ESRRB: variants seen among roughly 807,000 people sequenced by gnomAD.
ESRRB encodes the protein steroid hormone receptor ERR2.
Under a neutral mutation model 46.0 loss-of-function variants are expected in ESRRB, and 16 were observed. That is an observed-to-expected ratio of 0.35 (90% CI 0.24 to 0.53). ESRRB has a LOEUF of 0.53. Ranked by LOEUF, ESRRB falls within the 20% of genes least tolerant of loss-of-function variation. The pLI is 0.93. For missense variants in ESRRB, 488 were observed against 607.4 expected (o/e 0.80, Z 2.07); for synonymous variants, 246 against 259.6 (o/e 0.95, Z 0.50).
intron 1 of ESRRB, among the ~76,000 whole-genome samples, chr14:76,355,192 G>A (rs1884365050): frequency 6.6e-6 from 1 of 152,204 alleles, no homozygotes; most frequent in African/African-American, 2.4e-5. Context: ...AGAGGCGGTA[G>A]AGACCCAAGT....
intron 1 of ESRRB, among the ~76,000 whole-genome samples, chr14:76,409,780 G>C (rs1886354477): frequency 6.6e-6 from 1 of 152,062 alleles, no homozygotes; most frequent in Non-Finnish European, 1.5e-5. Flanking sequence ...AGGGTTTTTG[G>C]GGGATGGGGA....
chr14:76,484,953 G>A (rs1423049326), intron 5 of ESRRB, among the ~76,000 whole-genome samples: 5 of 152,304 alleles, frequency 3.3e-5, no homozygotes, highest in Middle Eastern at 3.4e-3. Context: ...TGGCAGAGAC[G>A]CTTACCAGCG....
intron 3 of ESRRB, among the ~76,000 whole-genome samples, chr14:76,466,438 G>T (rs1026172568): frequency 6.6e-5 from 10 of 152,096 alleles, no homozygotes; most frequent in African/African-American, 2.4e-4. Context: ...TTAAGACTGT[G>T]GCCAGCTCAG....
At chr14:76,336,751 C>G (rs1884131363) in intron 1 of ESRRB, among the ~76,000 whole-genome samples, 1 of 152,194 alleles carries the variant, frequency 6.6e-6, no homozygotes, top group Non-Finnish European at 1.5e-5. Context: ...TTCACTCACT[C>G]ACGCATTCCA....
At chr14:76,329,594 G>A (rs2139735166) in intron 1 of ESRRB, among the ~76,000 whole-genome samples, 1 of 152,298 alleles carries the variant, frequency 6.6e-6, no homozygotes, top group African/African-American at 2.4e-5. Context: ...GTGGCAGGGA[G>A]CTGTATTAAA....
At chr14:76,428,464 C>G (rs531134729) in intron 1 of ESRRB, among the ~76,000 whole-genome samples, 2 of 152,290 alleles carry the variant, frequency 1.3e-5, no homozygotes, top group Admixed American at 1.3e-4. Flanking sequence ...CGATGTCCTT[C>G]CCTCAAACAC....
intron 1 of ESRRB, among the ~76,000 whole-genome samples, chr14:76,417,646 C>T (rs540205307): frequency 2.6e-5 from 4 of 152,318 alleles, no homozygotes; most frequent in African/African-American, 9.6e-5. Flanking sequence ...AATTCTGTAG[C>T]AGCGAAATAA....
At chr14:76,483,187 T>A (rs569956511) in intron 5 of ESRRB, among the ~76,000 whole-genome samples, 10 of 152,306 alleles carry the variant, frequency 6.6e-5, no homozygotes, top group African/African-American at 2.4e-4. Context: ...GAGCATGGCC[T>A]TGGGAATCAG....
chr14:76,385,924 G>T (rs2139809893), intron 1 of ESRRB, among the ~76,000 whole-genome samples: 1 of 152,248 alleles, frequency 6.6e-6, no homozygotes, highest in Middle Eastern at 3.4e-3. Flanking sequence ...TACCTCCCAG[G>T]GTTGTTTTGA....
At chr14:76,394,009 C>T (rs1022102867) in intron 1 of ESRRB, among the ~76,000 whole-genome samples, 1 of 143,036 alleles carries the variant, frequency 7.0e-6, no homozygotes, top group African/African-American at 2.5e-5. Context: ...AGAGTTTCAC[C>T]ACACTGGCCA....
rs148596025 is a variant in ESRRB, at chr14:76,457,304, G to C, written c.461-5241G>C. On this transcript the variant is annotated intron_variant, in intron 2 of 6. Coordinates refer to ENST00000644823, the MANE Select transcript of ESRRB (RefSeq NM_001379180.1). Reference sequence around the variant, plus strand: ...ATGTTCTCAAATATCACAGTTGGTGGCTAGCCTCGGATCCAACACCTAGAA... The same window carrying C: ...ATGTTCTCAAATATCACAGTTGGTGCCTAGCCTCGGATCCAACACCTAGAA... 2.0e-4 allele frequency among the ~76,000 whole-genome samples: 31 copies of C among 152,238 alleles called. No individual in the cohort carries two copies. In the East Asian group the frequency reaches 5.8e-3, roughly 28 times the overall value.
intron 1 of ESRRB, among the ~76,000 whole-genome samples, chr14:76,349,288 A>C (rs1014385337): frequency 1.5e-4 from 23 of 152,216 alleles, no homozygotes; most frequent in African/African-American, 5.3e-4. Flanking sequence ...TGGGCTCCAA[A>C]GGGTGCAAAG....
intron 3 of ESRRB, among the ~76,000 whole-genome samples, chr14:76,465,124 T>G (rs1312954452): frequency 6.6e-6 from 1 of 151,894 alleles, no homozygotes; most frequent in Non-Finnish European, 1.5e-5. Context: ...GTTTTCAATA[T>G]AGCCCTGAAT....
intron 1 of ESRRB, among the ~76,000 whole-genome samples, chr14:76,386,803 G>A (rs772314528): frequency 1.4e-4 from 21 of 152,066 alleles, no homozygotes; most frequent in Non-Finnish European, 2.6e-4. Context: ...AAGTTCCCTC[G>A]ACCAGATATA....
chr14:76,500,759 G>A lies in ESRRB; in HGVS notation c.*2301G>A, dbSNP rs1482381170. On this transcript the variant is annotated 3_prime_UTR_variant, in exon 7 of 7. Transcript: ENST00000644823. ...AGCAAGTGGGTGTTCTGCACACCAGGCAGCTGCACCTCACTGGATCTAGTG... is the reference window on the plus strand; with the variant it reads ...AGCAAGTGGGTGTTCTGCACACCAGACAGCTGCACCTCACTGGATCTAGTG... 2.5e-6 allele frequency: 4 copies of A among 1,611,778 alleles called. No homozygotes were observed. The highest frequency in any genetic ancestry group is 3.4e-6 in the Non-Finnish European group (4 of 1,178,004).
chr14:76,466,875 C>T (rs1047718135), intron 3 of ESRRB, among the ~76,000 whole-genome samples: 6 of 152,076 alleles, frequency 3.9e-5, no homozygotes, highest in African/African-American at 7.2e-5. Context: ...AAGTGTGCAA[C>T]ACCACGCCCA....
Position 76,387,143 on chromosome 14 carries a change from G to A in ESRRB, c.50+10692G>A, listed in dbSNP as rs76624589. On this transcript the variant is annotated intron_variant, in intron 1 of 6. Transcript: ENST00000644823. Reference sequence around the variant, plus strand: ...CAAATCAGTGTTAGGTGGTGGATCAGGGAGGGTTAGGACTCCAAACCTGAA... The same window carrying A: ...CAAATCAGTGTTAGGTGGTGGATCAAGGAGGGTTAGGACTCCAAACCTGAA... Among the ~76,000 whole-genome samples the A allele has an allele frequency of 2.4e-4, 37 of 152,330 alleles. No individual in the cohort carries two copies. The East Asian group carries it at 6.2e-3, about 25-fold the overall frequency.
At chr14:76,345,988 T>G (rs983750416) in intron 1 of ESRRB, among the ~76,000 whole-genome samples, 1 of 152,044 alleles carries the variant, frequency 6.6e-6, no homozygotes, top group African/African-American at 2.4e-5. Flanking sequence ...AAAATCAAGG[T>G]GCTGGCAGGG....
At chr14:76,318,926 G>A (rs1254686422) in intron 1 of ESRRB, among the ~76,000 whole-genome samples, 1 of 152,206 alleles carries the variant, frequency 6.6e-6, no homozygotes, top group Non-Finnish European at 1.5e-5. Flanking sequence ...GTGTGCACAA[G>A]CATCTACAGG....
Sources: gnomAD v4.1 joint callset for allele counts (sites outside exome capture counted in the v4.1 genomes callset) on GRCh38, gnomAD v4.1.1 for gene constraint, MANE v1.5 for transcripts, NCBI Gene and HGNC (gene_info 2026-07-23, HGNC 2026-07-21) for gene names.